Variants in TMEM74 observed in about 807,000 individuals in gnomAD.
The protein encoded by TMEM74 is transmembrane protein 74.
Under a neutral mutation model 18.1 loss-of-function variants are expected in TMEM74, and 13 were observed. That is an observed-to-expected ratio of 0.72 (90% confidence interval 0.47 to 1.14). TMEM74 has a LOEUF of 1.14. TMEM74 is among the 50% of genes most tolerant of loss of function. TMEM74 has a pLI of 0.00. For missense variants in TMEM74, 372 were observed against 375.9 expected, an observed-to-expected ratio of 0.99 and a Z score of 0.09; for synonymous variants, 159 against 146.6, an observed-to-expected ratio of 1.08 and a Z score of -0.61.
At chr8:108,759,991 G>C (rs1246770627) in intron 1 of TMEM74, among the ~76,000 whole-genome samples, 2 of 152,062 alleles carry the variant, frequency 1.3e-5, no homozygotes, top group South Asian at 4.1e-4. Flanking sequence ...TGGCCAACAT[G>C]GTGAAACCCA....
At chr8:108,652,118 C>T (rs1051575235) in intron 2 of TMEM74, among the ~76,000 whole-genome samples, 14 of 152,164 alleles carry the variant, frequency 9.2e-5, no homozygotes, top group African/African-American at 2.4e-4. Flanking sequence ...ATTTTTTACT[C>T]GCATTAACTC....
intron 1 of TMEM74, among the ~76,000 whole-genome samples, chr8:108,657,859 AATATATATATATATATATATATATAT>A (rs1175396487): frequency 2.0e-5 from 1 of 49,878 alleles, no homozygotes; most frequent in Non-Finnish European, 3.5e-5. Context: ...AAAAAAAAAA[AATATATATATATATATATATATATAT>A]ATATATATAT....
chr8:108,706,185 G>C (rs924304452), intron 1 of TMEM74, among the ~76,000 whole-genome samples: 9 of 152,104 alleles, frequency 5.9e-5, no homozygotes, highest in African/African-American at 2.2e-4. Context: ...TTTTTTTCTA[G>C]AAGAATTAGC....
intron 2 of TMEM74, among the ~76,000 whole-genome samples, chr8:108,613,497 G>A (rs902468955): frequency 2.0e-5 from 3 of 152,212 alleles, no homozygotes; most frequent in Admixed American, 1.3e-4. Flanking sequence ...TGATAATCAC[G>A]AAATGGCTCT....
intron 2 of TMEM74, among the ~76,000 whole-genome samples, chr8:108,618,030 AC>A (rs1190211618): frequency 6.6e-6 from 1 of 152,120 alleles, no homozygotes; most frequent in Non-Finnish European, 1.5e-5. Flanking sequence ...TGAAGAAGAA[AC>A]TGCATCCCAC....
chr8:108,620,368 T>C (rs1480382608), intron 2 of TMEM74, among the ~76,000 whole-genome samples: 2 of 152,124 alleles, frequency 1.3e-5, no homozygotes, highest in African/African-American at 4.8e-5. Context: ...TGAGTAGAGT[T>C]AGGAAAATTG....
chr8:108,620,142 T>C (rs1296109859), intron 2 of TMEM74, among the ~76,000 whole-genome samples: 1 of 152,178 alleles, frequency 6.6e-6, no homozygotes. Context: ...CTGGCCATGT[T>C]AATGCATGTA....
intron 1 of TMEM74, among the ~76,000 whole-genome samples, chr8:108,732,387 C>A (rs973831485): frequency 6.6e-6 from 1 of 152,110 alleles, no homozygotes; most frequent in Non-Finnish European, 1.5e-5. Flanking sequence ...CCCATGTGAG[C>A]TTTTTAAGAC....
At chr8:108,714,575 T>C (rs1243737747) in intron 1 of TMEM74, among the ~76,000 whole-genome samples, 1 of 152,210 alleles carries the variant, frequency 6.6e-6, no homozygotes, top group Non-Finnish European at 1.5e-5. Context: ...GCTTATACAC[T>C]GTTGGTGGAA....
intron 1 of TMEM74, among the ~76,000 whole-genome samples, chr8:108,767,513 C>T (rs1353335367): frequency 2.6e-5 from 4 of 152,144 alleles, no homozygotes; most frequent in Non-Finnish European, 5.9e-5. Flanking sequence ...TTTGGTAAAA[C>T]CATTTTTCAC....
At chr8:108,699,469 C>T (rs183875717) in intron 1 of TMEM74, among the ~76,000 whole-genome samples, 1 of 151,938 alleles carries the variant, frequency 6.6e-6, no homozygotes, top group Admixed American at 6.6e-5. Flanking sequence ...GTTCTCAAAA[C>T]AAGCAAACAA....
At chr8:108,746,081 T>C (rs1301164555) in intron 1 of TMEM74, among the ~76,000 whole-genome samples, 1 of 152,090 alleles carries the variant, frequency 6.6e-6, no homozygotes, top group Non-Finnish European at 1.5e-5. Context: ...ATAAACCTCT[T>C]CCTTCTTTAA....
downstream of TMEM74, among the ~76,000 whole-genome samples, chr8:108,776,167 T>C (rs1235247454): frequency 3.3e-5 from 5 of 152,214 alleles, no homozygotes. Flanking sequence ...AGGATTTTGT[T>C]GGGTTTTGGT....
chr8:108,672,427 G>T (rs900835992), intron 1 of TMEM74, among the ~76,000 whole-genome samples: 3 of 152,176 alleles, frequency 2.0e-5, no homozygotes, highest in African/African-American at 7.2e-5. Context: ...GGAAAGATTA[G>T]ATTTTATTTT....
At chr8:108,617,233 G>C (rs1364513169) in intron 2 of TMEM74, among the ~76,000 whole-genome samples, 2 of 151,894 alleles carry the variant, frequency 1.3e-5, no homozygotes, top group Non-Finnish European at 2.9e-5. Context: ...TGTGGGTGAG[G>C]TTTACTCTTT....
At chr8:108,679,368 T>A (rs1334842546) in intron 1 of TMEM74, among the ~76,000 whole-genome samples, 7 of 152,198 alleles carry the variant, frequency 4.6e-5, no homozygotes, top group African/African-American at 1.7e-4. Flanking sequence ...CCACCAACAG[T>A]GTAAAAGTGT....
chr8:108,723,856 A>T (rs960730615), intron 1 of TMEM74, among the ~76,000 whole-genome samples: 1 of 152,208 alleles, frequency 6.6e-6, no homozygotes, highest in Non-Finnish European at 1.5e-5. Context: ...CTTCCAGGGA[A>T]TTATTAAATT....
At chr8:108,778,038 C>A (rs920600531), downstream of TMEM74, among the ~76,000 whole-genome samples, 1 of 151,824 alleles carries the variant, frequency 6.6e-6, no homozygotes, top group Non-Finnish European at 1.5e-5. Flanking sequence ...CTCTGGAGAC[C>A]TTTAGCATTT....
At chr8:108,756,593 AAAGAGAAAGG>A (rs1563543571) in intron 1 of TMEM74, among the ~76,000 whole-genome samples, 29 of 108,758 alleles carry the variant, frequency 2.7e-4, no homozygotes, top group South Asian at 5.8e-4. Context: ...AGAAAGAAAG[AAAGAGAAAGG>A]AAGGAAGGAA....
Sources: allele counts gnomAD v4.1 joint callset (sites outside exome capture counted in the v4.1 genomes callset), GRCh38; gene constraint gnomAD v4.1.1; transcripts MANE v1.5; gene names NCBI Gene and HGNC (gene_info 2026-07-23, HGNC 2026-07-21).